The following MAP3K4 variants were observed in gnomAD, a reference collection of about 807,000 sequenced individuals.
MAP3K4 encodes MAP three kinase 1.
In MAP3K4, 67 loss-of-function variants were observed where a neutral mutation model predicts 185.6. That is an observed-to-expected ratio of 0.36 (90% CI 0.30 to 0.44). MAP3K4 has a LOEUF of 0.44. Ranked by LOEUF, MAP3K4 falls within the 20% of genes least tolerant of loss-of-function variation. The probability of loss-of-function intolerance (pLI) is 1.00; values close to 1 mark genes in which losing one functional copy is unlikely to be tolerated. For missense variants in MAP3K4, 1,551 were observed against 1,995.1 expected (o/e 0.78, Z 4.24); for synonymous variants, 702 against 710.4 (o/e 0.99, Z 0.19).
intron 2 of MAP3K4, among the ~76,000 whole-genome samples, chr6:161,041,747 C>G (rs970259856): frequency 7.2e-5 from 11 of 152,076 alleles, no homozygotes; most frequent in African/African-American, 2.7e-4. Flanking sequence ...TGTCTTGGAC[C>G]TTTTAGACCA....
At chr6:161,089,165 C>G (rs1562531742) in intron 10 of MAP3K4, among the ~76,000 whole-genome samples, 157 bp from the exon 11 acceptor site, 1 of 152,192 alleles carries the variant, frequency 6.6e-6, no homozygotes, top group African/African-American at 2.4e-5. Flanking sequence ...AAGCGTGTTG[C>G]TGTGTAGGAG....
Position 161,034,502 on chromosome 6 carries a change from G to T in MAP3K4, c.343+53G>T. 2.2e-6 allele frequency: 3 copies of T among 1,375,638 alleles called. No individual in the cohort carries two copies. The highest frequency in any genetic ancestry group is 2.4e-5 in the East Asian group (1 of 41,446). The allele number at this position is 1,375,638 out of a possible 1,614,324, so 85.2% of individuals were successfully genotyped here. The stretch of plus-strand genomic sequence containing the variant: ...ACATGAGAGGGTATGGCACTTGATT[G>T]ATTCTTTCAACAATAAAGTTAGCAA... On this transcript the variant is annotated intron_variant, in intron 2 of 26. Transcript: ENST00000392142. This position sits in a 1 kb window ranked among gnomAD's most constrained non-coding sequence, Gnocchi z 4.4.
intron 1 of MAP3K4, among the ~76,000 whole-genome samples, chr6:161,026,953 CTCTT>C (rs2115137416): frequency 6.6e-6 from 1 of 151,928 alleles, no homozygotes; most frequent in Non-Finnish European, 1.5e-5. Flanking sequence ...GCTAATTCGT[CTCTT>C]TATATATATT....
intron 2 of MAP3K4, among the ~76,000 whole-genome samples, chr6:161,046,988 T>C (rs1783756699): frequency 6.8e-6 from 1 of 147,506 alleles, no homozygotes; most frequent in Non-Finnish European, 1.5e-5. Context: ...AAATATATAC[T>C]AAGAGATTAT....
Position 161,080,783 on chromosome 6 carries a change from G to A in MAP3K4, c.2098-98G>A, listed in dbSNP as rs994467236. On this transcript the variant is annotated intron_variant, in intron 5 of 26. Coordinates refer to ENST00000392142, the MANE Select transcript of MAP3K4 (RefSeq NM_005922.4). This position sits in a 1 kb window ranked among gnomAD's most constrained non-coding sequence, Gnocchi z 4.8. ...GCGTGCCTGTGACAGCCCCCGGCCCGCCCCCACTTTACCCTGCTGATGTGT... is the reference window on the plus strand; with the variant it reads ...GCGTGCCTGTGACAGCCCCCGGCCCACCCCCACTTTACCCTGCTGATGTGT... 3.0e-5 allele frequency: 32 copies of A among 1,077,974 alleles called. No homozygotes were observed. The highest frequency in any genetic ancestry group is 1.9e-4 in the Admixed American group (9 of 47,046). 66.8% of individuals were successfully genotyped at this position (1,077,974 alleles called of 1,614,324 possible).
In MAP3K4 at chr6:161,093,852, G is replaced by A. The variant is rs1234172710; in HGVS notation, c.3427+1G>A. The A allele has an allele frequency of 1.9e-6, 3 of 1,607,934 alleles. No homozygotes were observed. Among genetic ancestry groups the A allele is most frequent in the Non-Finnish European group, 2.6e-6 (3 of 1,175,524 alleles). ...AGTCCTGTTACAGGTTTGTACCTTG[G>A]TAAGACAGCCGTTAACAGCATTTCT... On this transcript the variant is annotated splice_donor_variant, in intron 15 of 26. Transcript: ENST00000392142. LOFTEE classifies it high-confidence loss of function. The surrounding 1 kb of genome is among the most constrained non-coding windows in gnomAD (Gnocchi z 5.2).
In MAP3K4 at chr6:161,087,572, A is replaced by G; in HGVS notation, c.2557-116A>G. The G allele has an allele frequency of 9.7e-7, 1 of 1,031,708 alleles. No homozygotes were observed. The highest frequency in any genetic ancestry group is 1.5e-6 in the Non-Finnish European group (1 of 683,504). The allele number at this position is 1,031,708 out of a possible 1,614,324, so 63.9% of individuals were successfully genotyped here. ...TGCAGTTCCCTCACTGCTCCAATTC[A>G]TGCCCTTCCCACTTTCCCTTTCCCA... On this transcript the variant is annotated intron_variant, in intron 9 of 26. Transcript: ENST00000392142. The surrounding 1 kb of genome is among the most constrained non-coding windows in gnomAD (Gnocchi z 4.9).
Position 161,096,326 on chromosome 6 carries a change from G to A in MAP3K4, c.3428-754G>A. ...AATTATTAACATGAAGAGAAACTAT[G>A]ACATTAAAAAAATACTAAGGAGGGT... On this transcript the variant is annotated intron_variant, in intron 15 of 26. Coordinates refer to ENST00000392142, the MANE Select transcript of MAP3K4 (RefSeq NM_005922.4). The surrounding 1 kb of genome is among the most constrained non-coding windows in gnomAD (Gnocchi z 4.9). 6.6e-6 allele frequency among the ~76,000 whole-genome samples: 1 copy of A among 151,804 alleles called. No homozygotes were observed.
In MAP3K4 at chr6:161,110,999, T is replaced by C. The variant is rs182444779; in HGVS notation, c.4397-837T>C. 6.6e-6 allele frequency among the ~76,000 whole-genome samples: 1 copy of C among 152,342 alleles called. No homozygotes were observed. Among genetic ancestry groups the C allele is most frequent in the East Asian group, 1.9e-4 (1 of 5,188 alleles). Reference sequence around the variant, plus strand: ...TCTGAAGCAGGTCAGCTCACTGGTGTCTTATCCAATGCTTTCTAGTTCAGC... The same window carrying C: ...TCTGAAGCAGGTCAGCTCACTGGTGCCTTATCCAATGCTTTCTAGTTCAGC... On this transcript the variant is annotated intron_variant, in intron 23 of 26. Transcript: ENST00000392142. This position sits in a 1 kb window ranked among gnomAD's most constrained non-coding sequence, Gnocchi z 4.8.
chr6:161,029,685 C>CA (rs1782831124), intron 1 of MAP3K4, among the ~76,000 whole-genome samples: 1 of 152,180 alleles, frequency 6.6e-6, no homozygotes, highest in Non-Finnish European at 1.5e-5. Flanking sequence ...CATTGGTATA[C>CA]ATGTAAACAT....
intron 2 of MAP3K4, among the ~76,000 whole-genome samples, chr6:161,038,584 G>T (rs1254473979): frequency 6.6e-6 from 1 of 152,194 alleles, no homozygotes; most frequent in African/African-American, 2.4e-5. Context: ...AATAACATTT[G>T]CATTTTTCAG....
intron 1 of MAP3K4, among the ~76,000 whole-genome samples, chr6:161,025,978 T>C (rs930202173): frequency 6.6e-6 from 1 of 152,220 alleles, no homozygotes; most frequent in African/African-American, 2.4e-5. Context: ...TTTTTGTTGC[T>C]TTCCCTTGAA....
In MAP3K4 at chr6:160,991,827, A is replaced by AGAGGCG. The variant is rs933496489; in HGVS notation, c.-95_-90dup. On this transcript the variant is annotated 5_prime_UTR_variant, in exon 1 of 27. Transcript: ENST00000392142. This position sits in a 1 kb window ranked among gnomAD's most constrained non-coding sequence, Gnocchi z 5.7. ...GCGCGCACGGCTCCTGCGGCGGGGT[A>AGAGGCG]GAGGCGGAGGCGGAGTCGAGTCACT... 4.2e-5 allele frequency: 53 copies of AGAGGCG among 1,269,390 alleles called. No individual in the cohort carries two copies. The highest frequency in any genetic ancestry group is 1.4e-4 in the South Asian group (8 of 55,484). The allele number at this position is 1,269,390 out of a possible 1,614,324, so 78.6% of individuals were successfully genotyped here.
In MAP3K4 at chr6:161,103,056, A is replaced by G. The variant is rs1777906380; in HGVS notation, c.3856+277A>G. On this transcript the variant is annotated intron_variant, in intron 19 of 26. Coordinates refer to ENST00000392142, the MANE Select transcript of MAP3K4 (RefSeq NM_005922.4). The surrounding 1 kb of genome is among the most constrained non-coding windows in gnomAD (Gnocchi z 4.6). ...AGCAACTTAGCATAATTTTTTGTCC[A>G]TGGTAGGAGTATAATAAACATTTGT... 6.6e-6 allele frequency among the ~76,000 whole-genome samples: 1 copy of G among 152,186 alleles called. No homozygotes were observed. The highest frequency in any genetic ancestry group is 2.4e-5 in the African/African-American group (1 of 41,446).
rs1002386371 is a variant in MAP3K4 at position 161,071,203 on chromosome 6, G to A, written c.1950+353G>A. ...TTGAAGTACATGTAAACAGATAAAT[G>A]TCTAGAATAGGCATGGGGAGGGGTT... On this transcript the variant is annotated intron_variant, in intron 4 of 26. Transcript: ENST00000392142. The surrounding 1 kb of genome is among the most constrained non-coding windows in gnomAD (Gnocchi z 4.6). 3.9e-5 allele frequency among the ~76,000 whole-genome samples: 6 copies of A among 152,080 alleles called. No individual in the cohort carries two copies. The highest frequency in any genetic ancestry group is 3.9e-4 in the Admixed American group (6 of 15,272).
Position 161,109,164 on chromosome 6 carries a change from G to T in MAP3K4, c.4236+305G>T. The T allele has an allele frequency of 1.7e-6, 1 of 575,478 alleles. No individual in the cohort carries two copies. Among genetic ancestry groups the T allele is most frequent in the East Asian group, 4.0e-5 (1 of 25,104 alleles). The allele number at this position is 575,478 out of a possible 1,614,324, so 35.6% of individuals were successfully genotyped here. ...CTTGTGACTTTTTTTCCGTTTTTTT[G>T]CTGAACCACTGTTGAGTACACTGTT... is the stretch of plus-strand genomic sequence containing the variant. On this transcript the variant is annotated intron_variant, in intron 22 of 26. Transcript: ENST00000392142. This position sits in a 1 kb window ranked among gnomAD's most constrained non-coding sequence, Gnocchi z 5.7.
At chr6:161,032,424 T>G (rs1782972092) in intron 1 of MAP3K4, among the ~76,000 whole-genome samples, 2 of 152,198 alleles carry the variant, frequency 1.3e-5, no homozygotes, top group Non-Finnish European at 2.9e-5. Flanking sequence ...TGTACATTAT[T>G]GGGTTTAATC....
rs1780990780 is a variant in MAP3K4, at chr6:160,996,325, T to C, written c.152+4242T>C. On this transcript the variant is annotated intron_variant, in intron 1 of 26. Transcript: ENST00000392142. The surrounding 1 kb of genome is among the most constrained non-coding windows in gnomAD (Gnocchi z 4.5). ...GGGGACTTGTCACTTAGGAGGACTTTGTAGTTCCCTTTAATTTTCTGTCAT... is the reference window on the plus strand; with the variant it reads ...GGGGACTTGTCACTTAGGAGGACTTCGTAGTTCCCTTTAATTTTCTGTCAT... Among the ~76,000 whole-genome samples the C allele has an allele frequency of 6.6e-6, 1 of 152,196 alleles. No homozygotes were observed. The highest frequency in any genetic ancestry group is 2.1e-4 in the South Asian group (1 of 4,828).
intron 11 of MAP3K4, among the ~76,000 whole-genome samples, chr6:161,090,783 C>T (rs1044576780): frequency 2.0e-5 from 2 of 100,420 alleles, no homozygotes; most frequent in African/African-American, 5.7e-5. Flanking sequence ...CGTTTGGGCC[C>T]GTAACTCTTG....
Sources: gnomAD v4.1 joint callset for allele counts (sites outside exome capture counted in the v4.1 genomes callset) on GRCh38, gnomAD v4.1.1 for gene constraint, Gnocchi (gnomAD v3.1) non-coding constraint, MANE v1.5 for transcripts, NCBI Gene and HGNC (gene_info 2026-07-23, HGNC 2026-07-21) for gene names.